Variants in ADGRL2 observed in about 807,000 individuals in gnomAD.
ADGRL2 encodes the protein calcium-independent alpha-latrotoxin receptor 2.
In ADGRL2, 44 loss-of-function variants were observed where a neutral mutation model predicts 157.4. That is an observed-to-expected ratio of 0.28 (90% confidence interval 0.22 to 0.36). The LOEUF (loss-of-function observed/expected upper bound fraction) is 0.36, where lower values mean the gene tolerates loss of function less well. ADGRL2 is among the 10% of genes least tolerant of loss of function. ADGRL2 has a pLI of 1.00. For synonymous variants in ADGRL2, 585 were observed against 624.7 expected (o/e 0.94, Z 0.95); for missense variants, 1,510 against 1,768.9 (o/e 0.85, Z 2.63).
intron 3 of ADGRL2, among the ~76,000 whole-genome samples, chr1:81,672,204 T>C (rs2082889555): frequency 1.3e-5 from 2 of 152,210 alleles, no homozygotes. Flanking sequence ...ATTTCTAAGA[T>C]ACCTATTAGA....
At chr1:81,729,019 A>G (rs2084634251) in intron 1 of ADGRL2, among the ~76,000 whole-genome samples, 1 of 152,006 alleles carries the variant, frequency 6.6e-6, no homozygotes, top group Non-Finnish European at 1.5e-5. Context: ...TCTGATAAAC[A>G]TCCCAAAAGG....
intron 1 of ADGRL2, among the ~76,000 whole-genome samples, chr1:81,420,210 T>A (rs1168731831): frequency 6.6e-6 from 1 of 152,218 alleles, no homozygotes; most frequent in Non-Finnish European, 1.5e-5. Flanking sequence ...AGCATTCTAT[T>A]TGATAACATT....
intron 2 of ADGRL2, among the ~76,000 whole-genome samples, chr1:81,469,028 C>A (rs1451628994): frequency 6.6e-6 from 1 of 152,110 alleles, no homozygotes; most frequent in Non-Finnish European, 1.5e-5. Context: ...CCTTTTTTGA[C>A]CAATCCACCT....
intron 1 of ADGRL2, among the ~76,000 whole-genome samples, chr1:81,347,936 G>A (rs935418890): frequency 1.3e-5 from 2 of 152,176 alleles, no homozygotes; most frequent in Non-Finnish European, 2.9e-5. Flanking sequence ...ATTCAGCTGG[G>A]AATGTGCATT....
intron 2 of ADGRL2, among the ~76,000 whole-genome samples, chr1:81,446,913 T>G (rs1437870230): frequency 6.6e-6 from 1 of 152,166 alleles, no homozygotes; most frequent in Non-Finnish European, 1.5e-5. Flanking sequence ...ATATTTTTCT[T>G]TTAATAACTA....
At chr1:81,807,910 T>G (rs2089365404) in intron 1 of ADGRL2, among the ~76,000 whole-genome samples, 1 of 151,856 alleles carries the variant, frequency 6.6e-6, no homozygotes, top group African/African-American at 2.4e-5. Context: ...TTGTAGATAT[T>G]TTTTGATATA....
intron 1 of ADGRL2, among the ~76,000 whole-genome samples, chr1:81,721,221 G>A (rs1000882213): frequency 6.6e-6 from 1 of 151,162 alleles, no homozygotes; most frequent in Non-Finnish European, 1.5e-5. Flanking sequence ...ACATTTATCT[G>A]TATAATTGCA....
At chr1:81,858,321 A>G (rs1245558029) in intron 2 of ADGRL2, among the ~76,000 whole-genome samples, 2 of 152,192 alleles carry the variant, frequency 1.3e-5, no homozygotes, top group East Asian at 1.9e-4. Context: ...CTATAGTACT[A>G]CTATTCCTTG....
chr1:81,912,343 A>G (rs2148435704), intron 3 of ADGRL2, among the ~76,000 whole-genome samples: 1 of 152,268 alleles, frequency 6.6e-6, no homozygotes, highest in East Asian at 1.9e-4. Flanking sequence ...AAGTGTTTGT[A>G]TTACAGGCGG....
At chr1:81,413,727 T>A (rs555095101) in intron 1 of ADGRL2, among the ~76,000 whole-genome samples, 19 of 152,352 alleles carry the variant, frequency 1.2e-4, no homozygotes, top group African/African-American at 4.6e-4. Flanking sequence ...TTTATTAGAT[T>A]TCCTTTTACA....
intron 1 of ADGRL2, among the ~76,000 whole-genome samples, chr1:81,403,107 T>C (rs2076786034): frequency 6.6e-6 from 1 of 152,210 alleles, no homozygotes; most frequent in African/African-American, 2.4e-5. Context: ...GGTCTTTATC[T>C]ACTCAGACAA....
Position 81,970,503 on chromosome 1 carries a change from A to T in ADGRL2, c.2923A>T (p.Ile975Phe). 1 of 1,591,974 alleles carries T rather than the reference A, an allele frequency of 6.3e-7. No homozygotes were observed. Among genetic ancestry groups the T allele is most frequent in the East Asian group, 2.2e-5 (1 of 44,606 alleles). Residue 975 changes from isoleucine to phenylalanine, a missense_variant, in exon 16 of 24, where the codon ATT (isoleucine) becomes TTT (phenylalanine). Physicochemically the swap from Ile to Phe is conservative, Grantham distance 21. Around this residue, in one of 4 missense-constraint regions of ADGRL2, gnomAD observed 497 missense variants for 627.2 expected, o/e 0.79. Coordinates refer to ENST00000686636, the MANE Select transcript of ADGRL2 (RefSeq NM_001366006.2). ...PATVVGVSAA[I>F]DYKSYGTEKA... The stretch of plus-strand genomic sequence containing the variant: ...CACAGTGGTTGGAGTTTCAGCTGCT[A>T]TTGACTATAAGAGCTATGGAACAGA...
intron 1 of ADGRL2, among the ~76,000 whole-genome samples, chr1:81,404,302 G>T (rs1254672707): frequency 1.3e-5 from 2 of 152,120 alleles, no homozygotes; most frequent in Non-Finnish European, 2.9e-5. Flanking sequence ...GAAAATAATG[G>T]TTTGTATCGT....
chr1:81,974,788 A>G (rs1659695545), intron 17 of ADGRL2, among the ~76,000 whole-genome samples: 1 of 151,974 alleles, frequency 6.6e-6, no homozygotes, highest in Non-Finnish European at 1.5e-5. Flanking sequence ...CTTTCTTAAA[A>G]TTTCTTTGTA....
chr1:81,464,046 A>C (rs948101899), intron 2 of ADGRL2, among the ~76,000 whole-genome samples: 1 of 152,140 alleles, frequency 6.6e-6, no homozygotes, highest in Non-Finnish European at 1.5e-5. Flanking sequence ...AATGAATTGC[A>C]TACATACACA....
chr1:81,702,026 AAG>A (rs2083590226), intron 1 of ADGRL2, among the ~76,000 whole-genome samples: 1 of 152,178 alleles, frequency 6.6e-6, no homozygotes, highest in East Asian at 1.9e-4. Flanking sequence ...ATTCTTGTGT[AAG>A]ATGAAGGAAG....
chr1:81,589,408 C>A (rs2148581259), intron 3 of ADGRL2, among the ~76,000 whole-genome samples: 1 of 152,250 alleles, frequency 6.6e-6, no homozygotes, highest in Admixed American at 6.5e-5. Flanking sequence ...AATATGAATG[C>A]AAGCTGCTTC....
chr1:81,774,879 T>A (rs777710387), intron 2 of ADGRL2, among the ~76,000 whole-genome samples: 38 of 152,180 alleles, frequency 2.5e-4, no homozygotes, highest in Non-Finnish European at 3.8e-4. Context: ...ACAAGTATAC[T>A]TTTATATGTA....
intron 2 of ADGRL2, among the ~76,000 whole-genome samples, chr1:81,475,224 G>A (rs1032037607): frequency 5.3e-5 from 8 of 152,114 alleles, no homozygotes; most frequent in African/African-American, 1.9e-4. Context: ...ACACTCATGG[G>A]CATAAGTCAT....
Sources: allele counts gnomAD v4.1 joint callset (sites outside exome capture counted in the v4.1 genomes callset), GRCh38; gene constraint gnomAD v4.1.1; regional missense constraint gnomAD v4.1.1; transcripts MANE v1.5; gene names NCBI Gene and HGNC (gene_info 2026-07-23, HGNC 2026-07-21).